PTPRG: variants seen among roughly 807,000 people sequenced by gnomAD.
PTPRG encodes receptor-type tyrosine-protein phosphatase gamma.
In PTPRG, 102 loss-of-function variants were observed where a neutral mutation model predicts 165.3. The ratio of observed to expected loss-of-function variants is 0.62; its 90% CI spans 0.53 to 0.73. The LOEUF (loss-of-function observed/expected upper bound fraction) is 0.73. Ranked by LOEUF, PTPRG falls within the 30% of genes least tolerant of loss-of-function variation. PTPRG has a pLI of 0.00. For missense variants in PTPRG, 1,866 were observed against 1,861.4 expected, an observed-to-expected ratio of 1.00 and a Z score of -0.05; for synonymous variants, 675 against 669.5, an observed-to-expected ratio of 1.01 and a Z score of -0.13.
intron 2 of PTPRG, among the ~76,000 whole-genome samples, chr3:61,798,783 G>T (rs533281021): frequency 3.3e-5 from 5 of 152,174 alleles, no homozygotes; most frequent in African/African-American, 1.2e-4. Flanking sequence ...CGGAGACAAG[G>T]GCTTGACTAG....
intron 3 of PTPRG, among the ~76,000 whole-genome samples, chr3:61,990,630 A>G (rs2040861680): frequency 6.6e-6 from 1 of 152,218 alleles, no homozygotes; most frequent in East Asian, 1.9e-4. Context: ...GTTATATTAC[A>G]TCTCTGCTTA....
chr3:61,726,390 T>G (rs1199142453), intron 1 of PTPRG, among the ~76,000 whole-genome samples: 2 of 152,182 alleles, frequency 1.3e-5, no homozygotes, highest in Non-Finnish European at 2.9e-5. Flanking sequence ...TGTTAGAGTA[T>G]ATCTAGAGAA....
intron 2 of PTPRG, among the ~76,000 whole-genome samples, chr3:61,917,377 A>G (rs1232597711): frequency 6.6e-6 from 1 of 152,194 alleles, no homozygotes; most frequent in African/African-American, 2.4e-5. Context: ...TGGAGTGTTT[A>G]AGCGGTGAAC....
At chr3:61,661,922 G>A (rs1479250803) in intron 1 of PTPRG, among the ~76,000 whole-genome samples, 2 of 152,126 alleles carry the variant, frequency 1.3e-5, no homozygotes, top group Admixed American at 6.5e-5. Flanking sequence ...ATTTTAATAA[G>A]CACCAGGCTT....
intron 2 of PTPRG, among the ~76,000 whole-genome samples, chr3:61,870,377 T>G (rs958682711): frequency 6.7e-6 from 1 of 149,854 alleles, no homozygotes; most frequent in Non-Finnish European, 1.5e-5. Context: ...AATGGTATGA[T>G]CTCAGCTCCA....
chr3:62,047,751 G>A (rs1426665677), intron 4 of PTPRG, among the ~76,000 whole-genome samples: 1 of 152,172 alleles, frequency 6.6e-6, no homozygotes, highest in Admixed American at 6.5e-5. Context: ...CCTCAGGATG[G>A]TAGGACCCCT....
rs34119209 is a variant in PTPRG at position 62,086,278 on chromosome 3, A to ATT, written c.615+8030_615+8031dup. ...AATTTTCTATCGTGTTATGGTTTTA[A>ATT]TTTTTTTTTTTCTTTTCATGGTTCT... is the stretch of plus-strand genomic sequence containing the variant. On this transcript the variant is annotated intron_variant, in intron 5 of 29. Coordinates refer to ENST00000474889, the MANE Select transcript of PTPRG (RefSeq NM_002841.4). Among the ~76,000 whole-genome samples, 804 of 148,230 alleles carry ATT rather than the reference A, an allele frequency of 5.4e-3. 11 individuals carry two copies. Among genetic ancestry groups the ATT allele is most frequent in the African/African-American group, 0.019 (756 of 40,442 alleles).
intron 2 of PTPRG, among the ~76,000 whole-genome samples, chr3:61,835,260 C>T (rs2036424473): frequency 6.6e-6 from 1 of 152,236 alleles, no homozygotes; most frequent in Admixed American, 6.5e-5. Flanking sequence ...TTCCATTAGC[C>T]TCTGGTCAGC....
chr3:62,241,278 G>A (rs1366954524), intron 14 of PTPRG, among the ~76,000 whole-genome samples: 1 of 152,118 alleles, frequency 6.6e-6, no homozygotes, highest in East Asian at 1.9e-4. Flanking sequence ...TGTGCAGTGG[G>A]TGCTGAATAA....
At chr3:61,663,896 C>T (rs1394258602) in intron 1 of PTPRG, among the ~76,000 whole-genome samples, 3 of 152,180 alleles carry the variant, frequency 2.0e-5, no homozygotes, top group African/African-American at 7.2e-5. Flanking sequence ...TCTTGCCCTC[C>T]ACTCACCTCC....
chr3:61,740,766 A>T (rs1294697471), intron 1 of PTPRG, among the ~76,000 whole-genome samples: 1 of 152,104 alleles, frequency 6.6e-6, no homozygotes, highest in Non-Finnish European at 1.5e-5. Flanking sequence ...TCATGGCTCT[A>T]TATTAGGTCT....
At chr3:61,686,448 A>G (rs1202727849) in intron 1 of PTPRG, among the ~76,000 whole-genome samples, 3 of 152,246 alleles carry the variant, frequency 2.0e-5, no homozygotes, top group Admixed American at 1.3e-4. Flanking sequence ...ACTATTGGGG[A>G]CTTTAAATGA....
intron 4 of PTPRG, among the ~76,000 whole-genome samples, 181 bp downstream of exon 4, chr3:62,003,678 T>A (rs2041227280): frequency 6.6e-6 from 1 of 152,188 alleles, no homozygotes; most frequent in Admixed American, 6.5e-5. Flanking sequence ...CTCACCTTTG[T>A]TTAACTGGAG....
chr3:62,051,178 C>T (rs977018665), intron 4 of PTPRG, among the ~76,000 whole-genome samples: 8 of 152,188 alleles, frequency 5.3e-5, no homozygotes, highest in Admixed American at 4.6e-4. Flanking sequence ...ATTAATCCAA[C>T]AAATATTTAT....
At chr3:61,892,576 G>A (rs2038243239) in intron 2 of PTPRG, among the ~76,000 whole-genome samples, 1 of 152,128 alleles carries the variant, frequency 6.6e-6, no homozygotes, top group Non-Finnish European at 1.5e-5. Flanking sequence ...CAGCACTTTG[G>A]GAGGGAGAGG....
Position 61,927,310 on chromosome 3 carries a change from T to C in PTPRG, c.191-62315T>C, listed in dbSNP as rs140755215. The stretch of plus-strand genomic sequence containing the variant: ...TGGTTTCATGGTATATCTTCAGGTC[T>C]TGGACAACAGCTCTGTGCTTGCAGT... On this transcript the variant is annotated intron_variant, in intron 2 of 29. Coordinates refer to ENST00000474889, the MANE Select transcript of PTPRG (RefSeq NM_002841.4). Among the ~76,000 whole-genome samples the C allele has an allele frequency of 4.4e-3, 675 of 152,336 alleles. 4 individuals carry two copies. The highest frequency in any genetic ancestry group is 7.0e-3 in the Non-Finnish European group (474 of 68,030).
chr3:62,223,409 C>G (rs541911613), intron 13 of PTPRG, among the ~76,000 whole-genome samples: 4 of 152,262 alleles, frequency 2.6e-5, no homozygotes, highest in Non-Finnish European at 4.4e-5. Flanking sequence ...TTTTTATAAA[C>G]TTATTTTGTG....
chr3:61,562,420 G>C (rs1416128606), intron 1 of PTPRG, 48 bp downstream of exon 1: 1 of 1,584,856 alleles, frequency 6.3e-7, no homozygotes, highest in Non-Finnish European at 8.7e-7. Flanking sequence ...GCGCGCGTTG[G>C]GGATGCGGAG....
In PTPRG at chr3:61,703,840, C is replaced by G. The variant is rs982102765; in HGVS notation, c.86-45038C>G. ...TCAGCTCTCTGCATTTTGGAGAAGT[C>G]TTTTATTATACCAGGTTTATTGTTC... is the stretch of plus-strand genomic sequence containing the variant. On this transcript the variant is annotated intron_variant, in intron 1 of 29. Transcript: ENST00000474889. Among the ~76,000 whole-genome samples the G allele has an allele frequency of 1.1e-4, 16 of 152,248 alleles. 1 individual carries two copies. Among genetic ancestry groups the G allele is most frequent in the African/African-American group, 3.9e-4 (16 of 41,544 alleles).
Sources: allele counts gnomAD v4.1 joint callset (sites outside exome capture counted in the v4.1 genomes callset), GRCh38; gene constraint gnomAD v4.1.1; transcripts MANE v1.5; gene names NCBI Gene and HGNC (gene_info 2026-07-23, HGNC 2026-07-21).